Variants in SDK1 observed in about 807,000 individuals in gnomAD.
SDK1 encodes the protein protein sidekick-1.
Under a neutral mutation model 245.5 loss-of-function variants are expected in SDK1, and 157 were observed. That is an observed-to-expected ratio of 0.64 (90% CI 0.56 to 0.73). SDK1 has a LOEUF of 0.73. SDK1 is among the 30% of genes least tolerant of loss of function. The pLI is 0.00. For synonymous variants in SDK1, 1,647 were observed against 1,278.5 expected (o/e 1.29, Z -6.15); for missense variants, 3,583 against 3,002.3 (o/e 1.19, Z -4.52).
At chr7:3,312,569 GT>G (rs10706655) in intron 1 of SDK1, among the ~76,000 whole-genome samples, 65,801 of 150,980 alleles carry the variant, frequency 0.44, 14,382 homozygotes, top group East Asian at 0.52. Context: ...GTCATTAAGT[GT>G]TTTTTTTTAA....
intron 1 of SDK1, among the ~76,000 whole-genome samples, chr7:3,438,288 C>T (rs747341357): frequency 1.3e-5 from 2 of 152,144 alleles, no homozygotes; most frequent in African/African-American, 2.4e-5. Context: ...CTAGGGTAAT[C>T]ATTTTATAGT....
At chr7:4,254,181 G>GTGTTTT (rs548035861) in intron 44 of SDK1, among the ~76,000 whole-genome samples, 145 of 151,748 alleles carry the variant, frequency 9.6e-4, no homozygotes, top group African/African-American at 3.2e-3. Context: ...ATTACTTTGA[G>GTGTTTT]TGTTTTTGTT....
chr7:4,017,476 G>T (rs918528750), intron 17 of SDK1, 124 bp downstream of exon 17: 7 of 751,432 alleles, frequency 9.3e-6, no homozygotes, highest in Non-Finnish European at 1.0e-5. Context: ...GCGTTTACAA[G>T]AAAATTCATC....
intron 1 of SDK1, among the ~76,000 whole-genome samples, chr7:3,375,387 T>A (rs1781329368): frequency 6.6e-6 from 1 of 152,142 alleles, no homozygotes; most frequent in Admixed American, 6.5e-5. Flanking sequence ...TGTATTTCAT[T>A]TTAAAGTAGT....
intron 13 of SDK1, among the ~76,000 whole-genome samples, chr7:3,983,663 T>C (rs1329595687): frequency 6.6e-6 from 1 of 152,254 alleles, no homozygotes; most frequent in Admixed American, 6.5e-5. Flanking sequence ...GCAGTATCTC[T>C]GAGACATGCC....
chr7:3,971,254 T>G (rs375273832), intron 11 of SDK1, among the ~76,000 whole-genome samples: 8 of 151,542 alleles, frequency 5.3e-5, no homozygotes, highest in African/African-American at 1.9e-4. Flanking sequence ...TTAGGAGGGG[T>G]GGGTGGGTTG....
chr7:4,077,080 G>A lies in SDK1; in HGVS notation c.3093G>A (p.Lys1031=), dbSNP rs746497172. ...HTLNSTTHEY[K]IQGLSSLTTY... Reference sequence around the variant, plus strand: ...TGAACAGCACGACGCACGAGTACAAGATCCAAGGCCTCTCATCTCTCACCA... The same window carrying A: ...TGAACAGCACGACGCACGAGTACAAAATCCAAGGCCTCTCATCTCTCACCA... Residue 1031 remains lysine, a synonymous_variant, in exon 21 of 45, where the codon AAG becomes AAA. Coordinates refer to ENST00000404826, the MANE Select transcript of SDK1 (RefSeq NM_152744.4). 5 of 1,614,198 alleles carry A rather than the reference G, an allele frequency of 3.1e-6. No homozygotes were observed. In the South Asian group the frequency reaches 4.4e-5, roughly 14 times the overall value.
At chr7:3,467,043 A>C (rs1259113013) in intron 1 of SDK1, among the ~76,000 whole-genome samples, 4 of 146,300 alleles carry the variant, frequency 2.7e-5, no homozygotes, top group African/African-American at 1.0e-4. Context: ...GATGTAAAAC[A>C]TACACATAGA....
At chr7:3,881,268 A>G (rs1781202372) in intron 5 of SDK1, among the ~76,000 whole-genome samples, 1 of 151,974 alleles carries the variant, frequency 6.6e-6, no homozygotes, top group Non-Finnish European at 1.5e-5. Flanking sequence ...CCCATGCAAC[A>G]GGCCCCCCAG....
At chr7:3,657,110 C>G (rs1179396221) in intron 4 of SDK1, among the ~76,000 whole-genome samples, 1 of 152,102 alleles carries the variant, frequency 6.6e-6, no homozygotes, top group Admixed American at 6.5e-5. Flanking sequence ...GGAAAGCTGC[C>G]GTCTAGAAGG....
intron 4 of SDK1, among the ~76,000 whole-genome samples, chr7:3,745,420 A>G (rs1208344590): frequency 1.3e-5 from 2 of 152,336 alleles, no homozygotes; most frequent in African/African-American, 4.8e-5. Flanking sequence ...CCAGTGGTGA[A>G]ATGTTGCATA....
intron 25 of SDK1, among the ~76,000 whole-genome samples, chr7:4,119,185 C>G (rs767643333): frequency 1.3e-5 from 2 of 148,522 alleles, no homozygotes; most frequent in African/African-American, 4.9e-5. Context: ...GGCTGTGATT[C>G]GTACCTGTAA....
At chr7:3,331,761 C>G (rs186832273) in intron 1 of SDK1, among the ~76,000 whole-genome samples, 1 of 151,416 alleles carries the variant, frequency 6.6e-6, no homozygotes, top group Non-Finnish European at 1.5e-5. Context: ...TTTTTTTGAT[C>G]TCAATCACTT....
chr7:3,441,111 G>T (rs1204003531), intron 1 of SDK1, among the ~76,000 whole-genome samples: 1 of 152,164 alleles, frequency 6.6e-6, no homozygotes, highest in Non-Finnish European at 1.5e-5. Context: ...GAAGAAAGGT[G>T]AGTATAGTAC....
chr7:3,439,486 G>T lies in SDK1; in HGVS notation c.298+137602G>T, dbSNP rs559674535. ...AACCTTTCCTAAGACTCAGTGGACAGCAATCAGTTAATGTGCCAAGAAGCA... is the reference window on the plus strand; with the variant it reads ...AACCTTTCCTAAGACTCAGTGGACATCAATCAGTTAATGTGCCAAGAAGCA... On this transcript the variant is annotated intron_variant, in intron 1 of 44. Coordinates refer to ENST00000404826, the MANE Select transcript of SDK1 (RefSeq NM_152744.4). Among the ~76,000 whole-genome samples the T allele has an allele frequency of 9.9e-5, 15 of 152,276 alleles. No individual in the cohort carries two copies. The South Asian group carries it at 3.1e-3, about 32-fold the overall frequency.
At chr7:3,313,758 ATAAT>A (rs977729351) in intron 1 of SDK1, among the ~76,000 whole-genome samples, 3 of 152,236 alleles carry the variant, frequency 2.0e-5, no homozygotes, top group African/African-American at 7.2e-5. Flanking sequence ...CATGGTGACT[ATAAT>A]TAATGATAAC....
chr7:3,900,756 T>A (rs971526479), intron 5 of SDK1, among the ~76,000 whole-genome samples: 1 of 152,000 alleles, frequency 6.6e-6, no homozygotes, highest in South Asian at 2.1e-4. Context: ...CCTCTTTCCC[T>A]CTTTGCATGC....
intron 5 of SDK1, among the ~76,000 whole-genome samples, chr7:3,928,621 G>A (rs968214485): frequency 4.6e-4 from 68 of 147,620 alleles, no homozygotes; most frequent in Non-Finnish European, 2.4e-4. Context: ...CTCAATAAAA[G>A]TTTTTTTTTG....
chr7:3,327,751 A>C (rs905142877), intron 1 of SDK1, among the ~76,000 whole-genome samples: 2 of 152,122 alleles, frequency 1.3e-5, no homozygotes, highest in South Asian at 2.1e-4. Flanking sequence ...CTTGATGTGA[A>C]TATTCATACA....
Sources: gnomAD v4.1 joint callset for allele counts (sites outside exome capture counted in the v4.1 genomes callset) on GRCh38, gnomAD v4.1.1 for gene constraint, MANE v1.5 for transcripts, NCBI Gene and HGNC (gene_info 2026-07-23, HGNC 2026-07-21) for gene names.